CELF2: variants seen among roughly 807,000 people sequenced by gnomAD.
CELF2 encodes the protein CUGBP Elav-like family member 2.
CELF2 carries 8 observed loss-of-function variants against 62.6 expected under a neutral mutation model. The ratio of observed to expected loss-of-function variants is 0.13; its 90% CI spans 0.07 to 0.23. The LOEUF is 0.23. Among genes scored for constraint, CELF2 ranks in the 10% least tolerant of loss-of-function variants. The pLI is 1.00. For missense variants in CELF2, 333 were observed against 671.0 expected (o/e 0.50, Z 5.56); for synonymous variants, 258 against 250.0 (o/e 1.03, Z -0.30).
At chr10:10,872,948 A>G (rs1359495285) in intron 1 of CELF2, among the ~76,000 whole-genome samples, 1 of 149,314 alleles carries the variant, frequency 6.7e-6, no homozygotes. Context: ...TTTCTGGGTG[A>G]CCTTTCTTGG....
At chr10:10,741,545 T>A in the CELF2 span, among the ~76,000 whole-genome samples, 1 of 146,788 alleles carries the variant, frequency 6.8e-6, no homozygotes, top group Non-Finnish European at 1.5e-5. Context: ...AGAATACTCA[T>A]CGGTTGTTTT....
chr10:10,950,729 C>G (rs2048227675), intron 2 of CELF2, among the ~76,000 whole-genome samples: 1 of 152,126 alleles, frequency 6.6e-6, no homozygotes. Context: ...ATTAAATTGC[C>G]TCGGGGCACA....
At chr10:10,837,895 C>T (rs997643501) in intron 1 of CELF2, among the ~76,000 whole-genome samples, 8 of 152,160 alleles carry the variant, frequency 5.3e-5, no homozygotes. Flanking sequence ...AACCCCACAT[C>T]CAGTTTCCCC....
rs905147232 is a variant in CELF2 at position 11,306,237 on chromosome 10, A to G, written c.977-7902A>G. 3.3e-5 allele frequency among the ~76,000 whole-genome samples: 5 copies of G among 151,928 alleles called. No homozygotes were observed. The highest frequency in any genetic ancestry group is 3.3e-4 in the Admixed American group (5 of 15,260). On this transcript the variant is annotated intron_variant, in intron 9 of 12. Coordinates refer to ENST00000633077, the MANE Select transcript of CELF2 (RefSeq NM_001326342.2). This position sits in a 1 kb window ranked among gnomAD's most constrained non-coding sequence, Gnocchi z 4.4. Reference sequence around the variant, plus strand: ...GCTTGAAGAGGTGTTCTGGGAGATTATGAACCAACATTTATAGACCGCACC... The same window carrying G: ...GCTTGAAGAGGTGTTCTGGGAGATTGTGAACCAACATTTATAGACCGCACC...
chr10:10,524,706 G>T, the CELF2 span, among the ~76,000 whole-genome samples: 1 of 152,064 alleles, frequency 6.6e-6, no homozygotes, highest in Non-Finnish European at 1.5e-5. Context: ...TATCATAGCA[G>T]TATTCAAATG....
the CELF2 span, among the ~76,000 whole-genome samples, chr10:10,574,625 T>G: frequency 6.6e-6 from 1 of 152,160 alleles, no homozygotes; most frequent in Non-Finnish European, 1.5e-5. Context: ...TCAAAATAAG[T>G]ATTCTCGTAT....
At chr10:11,126,094 T>G (rs781186301) in intron 1 of CELF2, among the ~76,000 whole-genome samples, 8 of 152,208 alleles carry the variant, frequency 5.3e-5, no homozygotes, top group Non-Finnish European at 7.3e-5. Context: ...CTCCTTTGAG[T>G]AGTCAAGATA....
intron 1 of CELF2, among the ~76,000 whole-genome samples, chr10:11,059,663 C>T (rs6602475): frequency 0.21 from 31,979 of 152,052 alleles, 3,503 homozygotes; most frequent in Middle Eastern, 0.29. Context: ...TTGCAGACTC[C>T]GAGATAGCAG....
At chr10:10,735,887 A>G in the CELF2 span, among the ~76,000 whole-genome samples, 1 of 152,202 alleles carries the variant, frequency 6.6e-6, no homozygotes, top group Non-Finnish European at 1.5e-5. Flanking sequence ...TGTGAGCACC[A>G]TGACAGATTA....
chr10:10,616,744 G>C, the CELF2 span, among the ~76,000 whole-genome samples: 1 of 149,440 alleles, frequency 6.7e-6, no homozygotes, highest in Non-Finnish European at 1.5e-5. Context: ...GAGAGAGAGA[G>C]GATCTTATTC....
chr10:10,771,953 T>C, the CELF2 span, among the ~76,000 whole-genome samples: 1 of 152,220 alleles, frequency 6.6e-6, no homozygotes, highest in African/African-American at 2.4e-5. Context: ...CGGGCAAGTT[T>C]TTCCTAAGTA....
Position 11,321,299 on chromosome 10 carries a change from A to G in CELF2, c.1207A>G (p.Ile403Val). ...CGCCCTCACCCAGGCCTACTCAGGA[A>G]TTCAACAGTACGCAGCCGCCGCGCT... ...MDALTQAYSG[I>V]QQYAAAALPT... Residue 403 changes from isoleucine to valine, a missense_variant, in exon 11 of 13, where the codon ATT (isoleucine) becomes GTT (valine). Ile to Val is a conservative substitution (Grantham distance 29). Around this residue, in one of 3 missense-constraint regions of CELF2, gnomAD observed 253 missense variants for 503.0 expected, o/e 0.50. Coordinates refer to ENST00000633077, the MANE Select transcript of CELF2 (RefSeq NM_001326342.2). This position sits in a 1 kb window ranked among gnomAD's most constrained non-coding sequence, Gnocchi z 6.2. 1.9e-6 allele frequency: 3 copies of G among 1,613,882 alleles called. No homozygotes were observed. Among genetic ancestry groups the G allele is most frequent in the Non-Finnish European group, 2.5e-6 (3 of 1,180,014 alleles).
chr10:11,286,047 G>A (rs926012278), intron 8 of CELF2, among the ~76,000 whole-genome samples: 2 of 152,218 alleles, frequency 1.3e-5, no homozygotes, highest in Admixed American at 1.3e-4. Context: ...AACAGAGAAA[G>A]CGTGTGCATT....
chr10:11,150,281 T>C (rs533366321), intron 1 of CELF2, among the ~76,000 whole-genome samples: 1 of 152,356 alleles, frequency 6.6e-6, no homozygotes, highest in South Asian at 2.1e-4. Flanking sequence ...TTATAATCTT[T>C]ATTTTGACCT....
chr10:10,807,650 CAG>C (rs1274045026), intron 1 of CELF2, among the ~76,000 whole-genome samples: 2 of 151,856 alleles, frequency 1.3e-5, no homozygotes, highest in African/African-American at 4.8e-5. Context: ...TTTTGGATGA[CAG>C]ATAGCTTAAG....
At position 11,270,847 on chromosome 10, in the gene CELF2, G is replaced by C. The variant is rs762562363; in HGVS notation, c.777+23G>C. 16 of 1,350,004 alleles carry C rather than the reference G, an allele frequency of 1.2e-5. No individual in the cohort carries two copies. Among genetic ancestry groups the C allele is most frequent in the Non-Finnish European group, 1.5e-5 (16 of 1,038,348 alleles). 83.6% of individuals were successfully genotyped at this position (1,350,004 alleles called of 1,614,324 possible). A position where few individuals can be genotyped will look rare whatever the true frequency, so the allele number is the denominator to read the frequency against. ...GCGGTAAGTGCTGGGCAATGCCGGC[G>C]TGGTCTTCACCCGCTGAAACTCTGC... On this transcript the variant is annotated intron_variant, in intron 7 of 12. Coordinates refer to ENST00000633077, the MANE Select transcript of CELF2 (RefSeq NM_001326342.2). This position sits in a 1 kb window ranked among gnomAD's most constrained non-coding sequence, Gnocchi z 5.8.
At chr10:10,666,501 G>A in the CELF2 span, among the ~76,000 whole-genome samples, 1 of 152,196 alleles carries the variant, frequency 6.6e-6, no homozygotes, top group Non-Finnish European at 1.5e-5. Flanking sequence ...CAAGGAAGGA[G>A]AGAAGGCCCT....
chr10:11,331,635 A>T lies in CELF2; in HGVS notation c.*2582A>T, dbSNP rs540471014. On this transcript the variant is annotated 3_prime_UTR_variant, in exon 13 of 13. Transcript: ENST00000633077. ...AAAAAACAAAACAAAAAAAGGTTAC[A>T]AAGTTTGTTAACTTGCTATCCTGTG... is the stretch of plus-strand genomic sequence containing the variant. 6.6e-6 allele frequency: 1 copy of T among 152,502 alleles called. No individual in the cohort carries two copies. Among genetic ancestry groups the T allele is most frequent in the African/African-American group, 2.4e-5 (1 of 41,430 alleles). 9.4% of individuals were successfully genotyped at this position (152,502 alleles called of 1,614,324 possible).
At chr10:10,708,864 TTACACA>T in the CELF2 span, among the ~76,000 whole-genome samples, 1 of 151,994 alleles carries the variant, frequency 6.6e-6, no homozygotes, top group African/African-American at 2.4e-5. Context: ...ACACACACCC[TTACACA>T]CACGCACACG....
Sources: allele counts gnomAD v4.1 joint callset (sites outside exome capture counted in the v4.1 genomes callset), GRCh38; gene constraint gnomAD v4.1.1; regional missense constraint gnomAD v4.1.1; non-coding constraint Gnocchi (gnomAD v3.1); transcripts MANE v1.5; gene names NCBI Gene and HGNC (gene_info 2026-07-23, HGNC 2026-07-21).